The following ZMYM2 variants were observed in gnomAD, a reference collection of about 807,000 sequenced individuals.
ZMYM2 encodes the protein zinc finger MYM-type containing 2.
In ZMYM2, 56 loss-of-function variants were observed where a neutral mutation model predicts 162.8. The observed-to-expected ratio is 0.34, with a 90% CI of 0.28 to 0.43. The LOEUF (loss-of-function observed/expected upper bound fraction) is 0.43. ZMYM2 is among the 20% of genes least tolerant of loss of function. The pLI, the probability that ZMYM2 is intolerant of heterozygous loss-of-function variation, is 1.00. For missense variants in ZMYM2, 1,275 were observed against 1,621.8 expected, an observed-to-expected ratio of 0.79 and a Z score of 3.67; for synonymous variants, 510 against 541.6, an observed-to-expected ratio of 0.94 and a Z score of 0.81.
chr13:20,068,716 A>G (rs1956864017), intron 21 of ZMYM2, among the ~76,000 whole-genome samples: 1 of 152,124 alleles, frequency 6.6e-6, no homozygotes, highest in African/African-American at 2.4e-5. Flanking sequence ...GTTTCAGAAC[A>G]ATTTATTTAA....
At chr13:20,042,147 A>G (rs1954311983) in intron 12 of ZMYM2, among the ~76,000 whole-genome samples, 1 of 152,148 alleles carries the variant, frequency 6.6e-6, no homozygotes, top group Non-Finnish European at 1.5e-5. Flanking sequence ...ATCCAGAAAT[A>G]TGTTTTCCAA....
chr13:20,069,139 A>G (rs1210008589), intron 21 of ZMYM2, among the ~76,000 whole-genome samples: 1 of 152,152 alleles, frequency 6.6e-6, no homozygotes, highest in Non-Finnish European at 1.5e-5. Context: ...CTATTCTAGT[A>G]GGTGGTCTTG....
At chr13:19,983,379 C>T (rs1037940272) in intron 2 of ZMYM2, among the ~76,000 whole-genome samples, 2 of 152,034 alleles carry the variant, frequency 1.3e-5, no homozygotes, top group Admixed American at 6.5e-5. Flanking sequence ...CTCCTGACCT[C>T]AGATGATCCG....
chr13:19,921,163 G>A, the ZMYM2 span, among the ~76,000 whole-genome samples: 627 of 150,844 alleles, frequency 4.2e-3, 4 homozygotes, highest in Middle Eastern at 0.022. Context: ...ATTTTGAGAC[G>A]GAGTCTTGCT....
chr13:19,993,629 A>G lies in ZMYM2; in HGVS notation c.557A>G (p.Asn186Ser). The change falls in exon 3 of 25, where the codon AAT becomes AGT. Residue 186 changes from asparagine to serine, a missense_variant. Around this residue, in one of 10 missense-constraint regions of ZMYM2, gnomAD observed 295 missense variants for 286.7 expected, o/e 1.03. Transcript: ENST00000610343. Reference sequence around the variant, plus strand: ...CCAGACTCTGAAATTCAGATTGCTAATGTTACAACTTTAGAAACAGGTGTA... The same window carrying G: ...CCAGACTCTGAAATTCAGATTGCTAGTGTTACAACTTTAGAAACAGGTGTA... ...TEPDSEIQIA[N>S]VTTLETGVSS... 1.2e-6 allele frequency: 2 copies of G among 1,614,192 alleles called. No homozygotes were observed. The highest frequency in any genetic ancestry group is 1.7e-6 in the Non-Finnish European group (2 of 1,180,000).
rs184591686 is a variant in ZMYM2 at position 20,008,078 on chromosome 13, T to C, written c.1512+1492T>C. ...AGTAATTAATTATAGGTGAGTAGAC[T>C]ACAATTAAGATAATTTGAGAGAGAT... On this transcript the variant is annotated intron_variant, in intron 6 of 24. Transcript: ENST00000610343. Among the ~76,000 whole-genome samples the C allele has an allele frequency of 2.0e-5, 3 of 152,368 alleles. No individual in the cohort carries two copies. The East Asian group carries it at 5.8e-4, about 29-fold the overall frequency.
the ZMYM2 span, among the ~76,000 whole-genome samples, chr13:19,950,779 A>G: frequency 6.6e-6 from 1 of 152,236 alleles, no homozygotes; most frequent in African/African-American, 2.4e-5. Flanking sequence ...AACGGTTGAC[A>G]ATATAAGGAG....
chr13:19,940,740 C>G, the ZMYM2 span, among the ~76,000 whole-genome samples: 1 of 152,092 alleles, frequency 6.6e-6, no homozygotes, highest in African/African-American at 2.4e-5. Context: ...CAGTGCACTA[C>G]GGGATGAAAA....
At chr13:20,049,301 A>G (rs989092134) in intron 12 of ZMYM2, among the ~76,000 whole-genome samples, 1 of 151,962 alleles carries the variant, frequency 6.6e-6, no homozygotes, top group Non-Finnish European at 1.5e-5. Flanking sequence ...CCTTTAAAAG[A>G]AGAAGGGAGC....
intron 12 of ZMYM2, among the ~76,000 whole-genome samples, chr13:20,048,105 A>G (rs764135986): frequency 1.9e-4 from 29 of 151,994 alleles, no homozygotes; most frequent in Non-Finnish European, 2.8e-4. Flanking sequence ...CTTAAACTGT[A>G]TTACTTTTCG....
At chr13:19,993,041 C>CT (rs768412792) in intron 2 of ZMYM2, 22 bp from the exon 3 acceptor site, 9 of 1,539,210 alleles carry the variant, frequency 5.8e-6, no homozygotes, top group Non-Finnish European at 7.8e-6. Context: ...CATTTTAATT[C>CT]TTTTTTCTAT....
chr13:20,028,621 A>G lies in ZMYM2; in HGVS notation c.1851+1303A>G, dbSNP rs371790551. Among the ~76,000 whole-genome samples, 5 of 152,178 alleles carry G rather than the reference A, an allele frequency of 3.3e-5. No homozygotes were observed. The East Asian group carries it at 5.8e-4, about 18-fold the overall frequency. On this transcript the variant is annotated intron_variant, in intron 9 of 24. Coordinates refer to ENST00000610343, the MANE Select transcript of ZMYM2 (RefSeq NM_197968.4). The stretch of plus-strand genomic sequence containing the variant: ...AAATTCCAGGATGCCCAAATCCCTT[A>G]TATAATATGGCATAGTATTTGCATG...
chr13:19,919,386 T>C, the ZMYM2 span, among the ~76,000 whole-genome samples: 2 of 152,296 alleles, frequency 1.3e-5, no homozygotes, highest in South Asian at 2.1e-4. Context: ...TTAAGTTGTA[T>C]GGTAAGTGTA....
the ZMYM2 span, among the ~76,000 whole-genome samples, chr13:19,945,211 A>G: frequency 1.3e-5 from 2 of 152,184 alleles, no homozygotes; most frequent in Non-Finnish European, 2.9e-5. Context: ...AATAATAAGT[A>G]GAATACTCAG....
the ZMYM2 span, among the ~76,000 whole-genome samples, chr13:19,867,224 A>G: frequency 6.6e-6 from 1 of 152,118 alleles, no homozygotes; most frequent in South Asian, 2.1e-4. Context: ...GTGGTGGCAC[A>G]TGCCTGTAAT....
intron 7 of ZMYM2, among the ~76,000 whole-genome samples, chr13:20,023,607 C>A (rs1456961828): frequency 6.6e-6 from 1 of 152,142 alleles, no homozygotes. Context: ...TTGGTTCTAT[C>A]TCATTCTTTT....
intron 4 of ZMYM2, among the ~76,000 whole-genome samples, 171 bp from the exon 5 acceptor site, chr13:20,004,903 T>C (rs1390346452): frequency 6.6e-6 from 1 of 152,210 alleles, no homozygotes; most frequent in East Asian, 1.9e-4. Flanking sequence ...CTCAAAAGTC[T>C]TTATTTCCAA....
intron 2 of ZMYM2, among the ~76,000 whole-genome samples, chr13:19,983,935 TTTA>T (rs1272050292): frequency 6.6e-6 from 1 of 152,188 alleles, no homozygotes; most frequent in Non-Finnish European, 1.5e-5. Context: ...GCCAGGAATT[TTTA>T]TTCTTAACAT....
At chr13:19,995,017 AAAT>A (rs1357436201) in intron 3 of ZMYM2, among the ~76,000 whole-genome samples, 2 of 149,208 alleles carry the variant, frequency 1.3e-5, no homozygotes, top group African/African-American at 5.0e-5. Context: ...AAAAAAAAAA[AAAT>A]TATTTGTAGA....
Sources: allele counts gnomAD v4.1 joint callset (sites outside exome capture counted in the v4.1 genomes callset), GRCh38; gene constraint gnomAD v4.1.1; regional missense constraint gnomAD v4.1.1; transcripts MANE v1.5; gene names NCBI Gene and HGNC (gene_info 2026-07-23, HGNC 2026-07-21).